Variants in TUBB8 observed in about 807,000 individuals in gnomAD.
TUBB8 encodes tubulin beta 8 class VIII, also known as tubulin beta-8 chain.
A neutral mutation model predicts 33.7 loss-of-function variants in TUBB8; 25 were observed. That is an observed-to-expected ratio of 0.74 (90% CI 0.54 to 1.04). The LOEUF is 1.04. Ranked by LOEUF, TUBB8 falls within the 50% of genes least tolerant of loss-of-function variation. The pLI is 0.00. For synonymous variants in TUBB8, 245 were observed against 240.1 expected, an observed-to-expected ratio of 1.02 and a Z score of -0.19; for missense variants, 279 against 608.0, an observed-to-expected ratio of 0.46 and a Z score of 5.69.
upstream of TUBB8, among the ~76,000 whole-genome samples, chr10:76,495 G>A (rs1834816287): frequency 6.6e-6 from 1 of 152,084 alleles, no homozygotes; most frequent in South Asian, 2.1e-4. Flanking sequence ...CAGGTGTCCC[G>A]GAGCGTCTCC....
intron 1 of TUBB8, among the ~76,000 whole-genome samples, chr10:73,767 C>T (rs145393001): frequency 0.019 from 2,869 of 151,876 alleles, 63 homozygotes; most frequent in African/African-American, 0.066. Context: ...TTTCCTCCTC[C>T]TCTCCCGGTA....
upstream of TUBB8, among the ~76,000 whole-genome samples, chr10:76,156 A>C (rs1181524319): frequency 2.0e-5 from 3 of 150,974 alleles, no homozygotes; most frequent in South Asian, 2.1e-4. Flanking sequence ...AAAAAAAAAA[A>C]AAAACACGAG....
intron 1 of TUBB8, among the ~76,000 whole-genome samples, chr10:70,144 G>A (rs1834718082): frequency 6.6e-6 from 1 of 152,248 alleles, no homozygotes; most frequent in East Asian, 1.9e-4. Context: ...TGTTGTGTTA[G>A]ACAGGAATTA....
rs565741869 is a variant in TUBB8 at position 68,110 on chromosome 10, G to A, written c.-846+5859C>T. 7.0e-3 allele frequency among the ~76,000 whole-genome samples: 1,003 copies of A among 142,870 alleles called. 7 individuals carry two copies. Among genetic ancestry groups the A allele is most frequent in the African/African-American group, 0.024 (898 of 37,954 alleles). The allele number at this position is 142,870 out of a possible 152,430, so 93.7% of individuals were successfully genotyped here. A position where few individuals can be genotyped will look rare whatever the true frequency, so the allele number is the denominator to read the frequency against. ...ACACAGAGAGCTGTTAAAGCACTAT[G>A]TGTGGGTATGTCTGTGAAGGTGTTT... On this transcript the variant is annotated intron_variant, in intron 1 of 3. Coordinates refer to the TUBB8 transcript ENST00000564130.
intron 1 of TUBB8, among the ~76,000 whole-genome samples, chr10:64,715 C>T (rs78253668): frequency 0.26 from 38,913 of 151,610 alleles, 4,053 homozygotes; most frequent in Middle Eastern, 0.36. Context: ...ATGCATACCC[C>T]TATACATACT....
upstream of TUBB8, among the ~76,000 whole-genome samples, chr10:52,520 C>A (rs1247573313): frequency 6.6e-6 from 1 of 152,230 alleles, no homozygotes; most frequent in Non-Finnish European, 1.5e-5. Context: ...AATGCATTGT[C>A]TTTTGTTAGT....
intron 1 of TUBB8, among the ~76,000 whole-genome samples, chr10:55,694 C>G (rs1834521840): frequency 6.6e-6 from 1 of 152,240 alleles, no homozygotes; most frequent in Admixed American, 6.5e-5. Context: ...CAGTTTCACT[C>G]TTCTGCCTAT....
At chr10:62,162 C>T (rs1834610926) in intron 1 of TUBB8, among the ~76,000 whole-genome samples, 1 of 152,140 alleles carries the variant, frequency 6.6e-6, no homozygotes, top group Non-Finnish European at 1.5e-5. Context: ...TTTGTCCTCT[C>T]ATCGTTCTTT....
intron 1 of TUBB8, 38 bp downstream of exon 1, chr10:49,144 C>T: frequency 6.5e-7 from 1 of 1,547,910 alleles, no homozygotes. Context: ...GGCCACCCGG[C>T]AGGCCCGGGC....
intron 1 of TUBB8, among the ~76,000 whole-genome samples, chr10:69,084 T>C (rs1325477588): frequency 6.6e-6 from 1 of 152,206 alleles, no homozygotes; most frequent in Admixed American, 6.5e-5. Flanking sequence ...ATCTCAACTG[T>C]AAAATGGCAA....
chr10:58,836 A>T (rs769987781), intron 1 of TUBB8, among the ~76,000 whole-genome samples: 36 of 152,318 alleles, frequency 2.4e-4, no homozygotes, highest in Non-Finnish European at 4.4e-4. Flanking sequence ...AGGAGTCTTT[A>T]TGTTTTTCCA....
chr10:63,013 G>C (rs1208147639), intron 1 of TUBB8, among the ~76,000 whole-genome samples: 1 of 152,034 alleles, frequency 6.6e-6, no homozygotes, highest in Non-Finnish European at 1.5e-5. Context: ...TCTTGTACTT[G>C]AATGTTGATA....
chr10:69,859 C>T (rs573803324), intron 1 of TUBB8, among the ~76,000 whole-genome samples: 20 of 152,340 alleles, frequency 1.3e-4, no homozygotes, highest in African/African-American at 4.1e-4. Flanking sequence ...CCAGAGGACT[C>T]CAGCCTGGGC....
At chr10:56,050 T>C (rs113792877) in intron 1 of TUBB8, among the ~76,000 whole-genome samples, 2,866 of 152,278 alleles carry the variant, frequency 0.019, 32 homozygotes, top group African/African-American at 0.066. Context: ...ACAGATGGCA[T>C]GAAAAGTACA....
chr10:50,038 A>T (rs1834446465), upstream of TUBB8: 1 of 154,152 alleles, frequency 6.5e-6, no homozygotes, highest in African/African-American at 2.4e-5. Flanking sequence ...GGTGTCAGTA[A>T]GCATTAGCAA....
At chr10:63,082 A>ATT (rs34751761) in intron 1 of TUBB8, among the ~76,000 whole-genome samples, 104 of 146,614 alleles carry the variant, frequency 7.1e-4, no homozygotes, top group Middle Eastern at 7.2e-3. Flanking sequence ...TAAATGTTTA[A>ATT]TTTTTTTTTT....
intron 1 of TUBB8, among the ~76,000 whole-genome samples, chr10:57,189 GC>G (rs1324715326): frequency 1.3e-5 from 2 of 152,232 alleles, no homozygotes; most frequent in Non-Finnish European, 2.9e-5. Flanking sequence ...GCATGGTTCA[GC>G]CCCCACAGCT....
At chr10:65,855 T>C (rs1164258267) in intron 1 of TUBB8, among the ~76,000 whole-genome samples, 1 of 152,266 alleles carries the variant, frequency 6.6e-6, no homozygotes, top group Non-Finnish European at 1.5e-5. Flanking sequence ...TGGTTTGGCA[T>C]ACTAAAGCCA....
At chr10:61,629 C>A (rs1304105649) in intron 1 of TUBB8, among the ~76,000 whole-genome samples, 1 of 151,940 alleles carries the variant, frequency 6.6e-6, no homozygotes, top group African/African-American at 2.4e-5. Context: ...TTATACAGTG[C>A]AGATTAAGTC....
Sources: allele counts gnomAD v4.1 joint callset (sites outside exome capture counted in the v4.1 genomes callset), GRCh38; gene constraint gnomAD v4.1.1; transcripts MANE v1.5; gene names NCBI Gene and HGNC (gene_info 2026-07-23, HGNC 2026-07-21).